The following OLFM3 variants were observed in gnomAD, a reference collection of about 807,000 sequenced individuals.
OLFM3 encodes noelin-3.
OLFM3 carries 20 observed loss-of-function variants against 48.6 expected under a neutral mutation model. That is an observed-to-expected ratio of 0.41 (90% CI 0.29 to 0.60). The LOEUF (loss-of-function observed/expected upper bound fraction) is 0.60, where lower values mean the gene tolerates loss of function less well. Ranked by LOEUF, OLFM3 falls within the 20% of genes least tolerant of loss-of-function variation. OLFM3 has a pLI of 0.28. For missense variants in OLFM3, 437 were observed against 544.3 expected (o/e 0.80, Z 1.96); for synonymous variants, 222 against 198.1 (o/e 1.12, Z -1.01).
chr1:101,903,237 T>G (rs553658953), intron 1 of OLFM3, among the ~76,000 whole-genome samples: 2 of 152,100 alleles, frequency 1.3e-5, no homozygotes, highest in South Asian at 4.1e-4. Context: ...AGTGGCTAAT[T>G]GAAAGCACAG....
intron 1 of OLFM3, among the ~76,000 whole-genome samples, chr1:101,909,037 T>C (rs904390170): frequency 6.6e-6 from 1 of 152,210 alleles, no homozygotes; most frequent in African/African-American, 2.4e-5. Flanking sequence ...ACCTTCATAT[T>C]TTTGTGTCCC....
Position 101,934,202 on chromosome 1 carries a change from C to T in OLFM3, c.69+62546G>A, listed in dbSNP as rs139792530. Among the ~76,000 whole-genome samples, 299 of 152,278 alleles carry T rather than the reference C, an allele frequency of 2.0e-3. 1 individual carries two copies. The highest frequency in any genetic ancestry group is 6.7e-3 in the African/African-American group (278 of 41,570). On this transcript the variant is annotated intron_variant, in intron 1 of 5. Coordinates refer to ENST00000370103, the MANE Select transcript of OLFM3 (RefSeq NM_058170.4). ...GTAAAAAGAAGCAAGACCCAATGGT[C>T]TGCTGTCTTCAAGAGACACATCTCT...
intron 1 of OLFM3, among the ~76,000 whole-genome samples, chr1:101,930,995 AATT>A (rs1316490056): frequency 2.0e-5 from 3 of 152,218 alleles, no homozygotes; most frequent in Non-Finnish European, 2.9e-5. Flanking sequence ...TTTGCCTAGC[AATT>A]ATTTTTAAAA....
chr1:101,834,932 C>G (rs926061284), intron 2 of OLFM3, among the ~76,000 whole-genome samples: 1 of 152,154 alleles, frequency 6.6e-6, no homozygotes, highest in African/African-American at 2.4e-5. Flanking sequence ...CTATGAAATA[C>G]ATTTTACTTT....
intron 1 of OLFM3, among the ~76,000 whole-genome samples, chr1:101,965,505 G>T (rs2101089061): frequency 6.6e-6 from 1 of 152,266 alleles, no homozygotes; most frequent in South Asian, 2.1e-4. Flanking sequence ...TAGCTATCCA[G>T]ATCTTTGAAC....
intron 1 of OLFM3, among the ~76,000 whole-genome samples, chr1:101,879,395 C>G (rs1159079313): frequency 6.6e-6 from 1 of 151,818 alleles, no homozygotes; most frequent in Admixed American, 6.6e-5. Context: ...AATTTTCTCT[C>G]AATTCAATGT....
chr1:101,859,675 A>G lies in OLFM3; in HGVS notation c.70-22650T>C, dbSNP rs1031898018. On this transcript the variant is annotated intron_variant, in intron 1 of 5. Transcript: ENST00000370103. ...TTTGAGTGTCATGTTGGTATTCAAA[A>G]TGTTTTGGATTTTGGAGCATTTCAG... Among the ~76,000 whole-genome samples the G allele has an allele frequency of 7.2e-5, 11 of 152,126 alleles. 1 individual carries two copies. The highest frequency in any genetic ancestry group is 3.3e-4 in the Admixed American group (5 of 15,280).
chr1:101,961,796 C>T (rs555647307), intron 1 of OLFM3, among the ~76,000 whole-genome samples: 1 of 152,132 alleles, frequency 6.6e-6, no homozygotes, highest in East Asian at 1.9e-4. Flanking sequence ...GAAGTTTTCA[C>T]AAGAGGTAAG....
At chr1:101,829,103 A>T (rs895831263) in intron 3 of OLFM3, among the ~76,000 whole-genome samples, 10 of 152,170 alleles carry the variant, frequency 6.6e-5, no homozygotes, top group African/African-American at 2.4e-4. Context: ...TAGAAGACAG[A>T]TTACGTATAA....
chr1:101,939,074 T>TA lies in OLFM3; in HGVS notation c.69+57673dup, dbSNP rs540651110. On this transcript the variant is annotated intron_variant, in intron 1 of 5. Transcript: ENST00000370103. ...CACTTGGTAAAATCCCTGCAATGCT[T>TA]AAAAAAAAATCCATAAAAAACATTC... is the stretch of plus-strand genomic sequence containing the variant. Among the ~76,000 whole-genome samples the TA allele has an allele frequency of 2.2e-3, 335 of 151,570 alleles. 4 individuals are homozygous for TA. Among genetic ancestry groups the TA allele is most frequent in the Admixed American group, 0.015 (226 of 15,194 alleles).
At chr1:101,891,502 A>G (rs940274426) in intron 1 of OLFM3, among the ~76,000 whole-genome samples, 1 of 151,922 alleles carries the variant, frequency 6.6e-6, no homozygotes, top group African/African-American at 2.4e-5. Context: ...GCTGATCACT[A>G]TTACTCATAA....
chr1:101,863,195 G>A (rs895719690), intron 1 of OLFM3, among the ~76,000 whole-genome samples: 1 of 152,088 alleles, frequency 6.6e-6, no homozygotes, highest in Non-Finnish European at 1.5e-5. Context: ...CTGGACTCAA[G>A]CGATCCACCT....
chr1:101,850,815 A>T (rs1430292773), intron 1 of OLFM3, among the ~76,000 whole-genome samples: 3 of 152,158 alleles, frequency 2.0e-5, no homozygotes, highest in African/African-American at 7.2e-5. Context: ...TATTTAAAAC[A>T]AAATTTAAAT....
At position 101,845,397 on chromosome 1, in the gene OLFM3, A is replaced by C. The variant is rs1485134849; in HGVS notation, c.70-8372T>G. 5.9e-5 allele frequency among the ~76,000 whole-genome samples: 9 copies of C among 152,266 alleles called. No homozygotes were observed. In the South Asian group the frequency reaches 1.9e-3, roughly 32 times the overall value. ...TCTCATCAGTCAACAATAAAAAAAAACCAAGCCAATGTCTATATACACAAA... is the reference window on the plus strand; with the variant it reads ...TCTCATCAGTCAACAATAAAAAAAACCCAAGCCAATGTCTATATACACAAA... On this transcript the variant is annotated intron_variant, in intron 1 of 5. Coordinates refer to ENST00000370103, the MANE Select transcript of OLFM3 (RefSeq NM_058170.4).
intron 1 of OLFM3, among the ~76,000 whole-genome samples, chr1:101,929,671 C>T (rs1225560846): frequency 6.6e-6 from 1 of 152,008 alleles, no homozygotes; most frequent in African/African-American, 2.4e-5. Context: ...ATTTAGAGGT[C>T]ATAATAGTCC....
chr1:101,970,985 C>T (rs896295744), intron 1 of OLFM3, among the ~76,000 whole-genome samples: 1 of 152,180 alleles, frequency 6.6e-6, no homozygotes, highest in African/African-American at 2.4e-5. Context: ...AATGTACAGC[C>T]AGCTTTTGAA....
At chr1:101,823,965 A>AT (rs1312465529) in intron 4 of OLFM3, among the ~76,000 whole-genome samples, 1 of 150,076 alleles carries the variant, frequency 6.7e-6, no homozygotes, top group African/African-American at 2.4e-5. Flanking sequence ...TGAATGCAAC[A>AT]TTTTGCATTT....
rs545502590 is a variant in OLFM3, at chr1:101,832,749, A to G, written c.217-1922T>C. ...AATAAGTATTTAGAATTTTAAGGAG[A>G]GTCTTCCTACTCCTGTCTCTGGTTA... On this transcript the variant is annotated intron_variant, in intron 2 of 5. Transcript: ENST00000370103. Among the ~76,000 whole-genome samples, 5 of 152,330 alleles carry G rather than the reference A, an allele frequency of 3.3e-5. No individual in the cohort carries two copies. In the East Asian group the frequency reaches 9.6e-4, roughly 29 times the overall value.
chr1:101,895,408 A>G (rs1265891379), intron 1 of OLFM3, among the ~76,000 whole-genome samples: 2 of 129,310 alleles, frequency 1.5e-5, no homozygotes, highest in Non-Finnish European at 3.5e-5. Flanking sequence ...GTAAAGCTCA[A>G]GAATACACAC....
Sources: allele counts gnomAD v4.1 joint callset (sites outside exome capture counted in the v4.1 genomes callset), GRCh38; gene constraint gnomAD v4.1.1; transcripts MANE v1.5; gene names NCBI Gene and HGNC (gene_info 2026-07-23, HGNC 2026-07-21).